CLMP: variants seen among roughly 807,000 people sequenced by gnomAD.
CLMP encodes the protein CXADR-like membrane protein.
In CLMP, 27 loss-of-function variants were observed where a neutral mutation model predicts 45.2. The ratio of observed to expected loss-of-function variants is 0.60; its 90% CI spans 0.44 to 0.82. The LOEUF (loss-of-function observed/expected upper bound fraction) is 0.82, where lower values mean the gene tolerates loss of function less well. Among genes scored for constraint, CLMP ranks in the 40% least tolerant of loss-of-function variants. The pLI is 0.00. For synonymous variants in CLMP, 167 were observed against 171.4 expected, an observed-to-expected ratio of 0.97 and a Z score of 0.20; for missense variants, 403 against 448.4, an observed-to-expected ratio of 0.90 and a Z score of 0.91.
At chr11:123,150,826 C>T (rs935791469) in intron 1 of CLMP, among the ~76,000 whole-genome samples, 4 of 152,198 alleles carry the variant, frequency 2.6e-5, no homozygotes, top group African/African-American at 9.7e-5. Context: ...AAGTGAGTCT[C>T]ATACCTCAGC....
intron 1 of CLMP, among the ~76,000 whole-genome samples, chr11:123,155,615 T>A (rs1861402745): frequency 6.6e-6 from 1 of 152,238 alleles, no homozygotes; most frequent in South Asian, 2.1e-4. Context: ...CTACTGGTTT[T>A]CAAAACATAC....
intron 1 of CLMP, among the ~76,000 whole-genome samples, chr11:123,168,895 C>T (rs919547016): frequency 2.6e-5 from 4 of 152,172 alleles, no homozygotes; most frequent in African/African-American, 9.6e-5. Context: ...GCAGCATCTA[C>T]TCCCGGCTTT....
chr11:123,112,974 C>T (rs1386330589), intron 1 of CLMP, among the ~76,000 whole-genome samples: 1 of 151,924 alleles, frequency 6.6e-6, no homozygotes, highest in Non-Finnish European at 1.5e-5. Context: ...GGGGTTTCAC[C>T]GTGTTAGGCA....
intron 1 of CLMP, among the ~76,000 whole-genome samples, chr11:123,098,475 G>C (rs931051251): frequency 6.6e-6 from 1 of 151,758 alleles, no homozygotes; most frequent in African/African-American, 2.4e-5. Context: ...TGATCCACCC[G>C]CCTTGGTCTC....
chr11:123,148,441 T>C (rs1861268932), intron 1 of CLMP, among the ~76,000 whole-genome samples: 1 of 152,208 alleles, frequency 6.6e-6, no homozygotes, highest in South Asian at 2.1e-4. Context: ...GGCAAAAGAA[T>C]GAGGAGAAAA....
At chr11:123,188,028 G>T (rs77163938) in intron 1 of CLMP, among the ~76,000 whole-genome samples, 4,610 of 152,234 alleles carry the variant, frequency 0.03, 213 homozygotes, top group African/African-American at 0.1. Context: ...TCCTCTTTGG[G>T]ACTGCTAGAA....
At chr11:123,172,186 T>G (rs1024876990) in intron 1 of CLMP, among the ~76,000 whole-genome samples, 1 of 152,158 alleles carries the variant, frequency 6.6e-6, no homozygotes, top group African/African-American at 2.4e-5. Context: ...AGTCTCGCTC[T>G]GTTGCCCAGG....
At chr11:123,138,812 C>T (rs1348894562) in intron 1 of CLMP, among the ~76,000 whole-genome samples, 1 of 152,102 alleles carries the variant, frequency 6.6e-6, no homozygotes, top group African/African-American at 2.4e-5. Context: ...CACCACCACA[C>T]CCAGCTAATT....
chr11:123,104,413 C>G (rs1034795512), intron 1 of CLMP, among the ~76,000 whole-genome samples: 36 of 149,306 alleles, frequency 2.4e-4, no homozygotes, highest in African/African-American at 8.6e-4. Context: ...CAGACGGAGT[C>G]TCGCCCTGTT....
At chr11:123,120,459 A>C (rs1166610086) in intron 1 of CLMP, among the ~76,000 whole-genome samples, 4 of 152,156 alleles carry the variant, frequency 2.6e-5, no homozygotes, top group African/African-American at 7.2e-5. Context: ...GATAATTGTT[A>C]AAATCAGCAA....
intron 1 of CLMP, among the ~76,000 whole-genome samples, chr11:123,131,322 A>G (rs377364455): frequency 1.1e-4 from 16 of 152,274 alleles, no homozygotes; most frequent in South Asian, 4.1e-4. Context: ...AGCCACAAAG[A>G]TTAGAAAAAA....
intron 1 of CLMP, among the ~76,000 whole-genome samples, chr11:123,110,219 G>A (rs1043524484): frequency 1.3e-5 from 2 of 152,098 alleles, no homozygotes; most frequent in Non-Finnish European, 2.9e-5. Flanking sequence ...ACTTTGGGGG[G>A]CTGAGGTGGG....
chr11:123,155,549 G>T (rs1378325617), intron 1 of CLMP, among the ~76,000 whole-genome samples: 2 of 152,176 alleles, frequency 1.3e-5, no homozygotes, highest in African/African-American at 2.4e-5. Context: ...CAGCTCAGAG[G>T]GGTTAGTTTT....
Position 123,074,851 on chromosome 11 carries a change from C to T in CLMP, c.680-8G>A. 1 of 1,609,856 alleles carries T rather than the reference C, an allele frequency of 6.2e-7. No individual in the cohort carries two copies. Among genetic ancestry groups the T allele is most frequent in the South Asian group, 1.1e-5 (1 of 90,748 alleles). On this transcript the variant is annotated splice_polypyrimidine_tract_variant and splice_region_variant and intron_variant, in intron 5 of 6. Transcript: ENST00000448775. The stretch of plus-strand genomic sequence containing the variant: ...TGCCGATGCTTTGTACATCTATTTT[C>T]TCAGAAGCAAAAGCACAAGTAAAAC...
chr11:123,077,662 T>C (rs1404591764), intron 5 of CLMP, among the ~76,000 whole-genome samples: 1 of 152,162 alleles, frequency 6.6e-6, no homozygotes, highest in East Asian at 1.9e-4. Context: ...CTTTGGATAT[T>C]TTTATTTAAG....
chr11:123,117,001 C>A (rs1383750796), intron 1 of CLMP, among the ~76,000 whole-genome samples: 1 of 152,102 alleles, frequency 6.6e-6, no homozygotes, highest in African/African-American at 2.4e-5. Flanking sequence ...GTAATCCCAG[C>A]ACTTTGGGAG....
chr11:123,195,125 G>C lies in CLMP; in HGVS notation c.-185C>G, dbSNP rs1345860836. 1 of 340,588 alleles carries C rather than the reference G, an allele frequency of 2.9e-6. No individual in the cohort carries two copies. Among genetic ancestry groups the C allele is most frequent in the African/African-American group, 2.1e-5 (1 of 46,726 alleles). 21.1% of individuals were successfully genotyped at this position (340,588 alleles called of 1,614,324 possible). A position where few individuals can be genotyped will look rare whatever the true frequency, so the allele number is the denominator to read the frequency against. ...TGCCCCTGGGGGCAGATGGGCTCCC[G>C]GCGCTCGCCCCACCAGCTGGCGCCC... is the stretch of plus-strand genomic sequence containing the variant. On this transcript the variant is annotated 5_prime_UTR_variant, in exon 1 of 7. Coordinates refer to ENST00000448775, the MANE Select transcript of CLMP (RefSeq NM_024769.5).
intron 1 of CLMP, among the ~76,000 whole-genome samples, chr11:123,158,987 G>A (rs1385383524): frequency 6.6e-6 from 1 of 152,164 alleles, no homozygotes; most frequent in Non-Finnish European, 1.5e-5. Flanking sequence ...TATGTGCCAG[G>A]GATTGTGCTA....
chr11:123,071,347 A>AT lies in CLMP; in HGVS notation c.*2126dup. 6.6e-6 allele frequency: 1 copy of AT among 152,246 alleles called. No homozygotes were observed. The highest frequency in any genetic ancestry group is 1.9e-4 in the East Asian group (1 of 5,194). The allele number at this position is 152,246 out of a possible 1,614,324, so 9.4% of individuals were successfully genotyped here. A position where few individuals can be genotyped will look rare whatever the true frequency, so the allele number is the denominator to read the frequency against. The stretch of plus-strand genomic sequence containing the variant: ...CTACTTGGGGGACTGAGGAAGGAGA[A>AT]TCGCTTGAACTCGGGAGGTGGAGGT... On this transcript the variant is annotated 3_prime_UTR_variant, in exon 7 of 7. Coordinates refer to ENST00000448775, the MANE Select transcript of CLMP (RefSeq NM_024769.5).
Sources: gnomAD v4.1 joint callset for allele counts (sites outside exome capture counted in the v4.1 genomes callset) on GRCh38, gnomAD v4.1.1 for gene constraint, MANE v1.5 for transcripts, NCBI Gene and HGNC (gene_info 2026-07-23, HGNC 2026-07-21) for gene names.